AGBL4: variants seen among roughly 807,000 people sequenced by gnomAD.
The protein encoded by AGBL4 is AGBL carboxypeptidase 4, also known as cytosolic carboxypeptidase 6.
Under a neutral mutation model 66.4 loss-of-function variants are expected in AGBL4, and 58 were observed. The observed-to-expected ratio is 0.87, with a 90% CI of 0.71 to 1.09. The LOEUF (loss-of-function observed/expected upper bound fraction) is 1.09, where lower values mean the gene tolerates loss of function less well. AGBL4 is among the 50% of genes least tolerant of loss of function. The probability of loss-of-function intolerance (pLI) is 0.00; values close to 1 mark genes in which losing one functional copy is unlikely to be tolerated. For missense variants in AGBL4, 579 were observed against 631.0 expected (o/e 0.92, Z 0.88); for synonymous variants, 234 against 222.9 (o/e 1.05, Z -0.44).
At chr1:48,820,165 C>T (rs921928684) in intron 6 of AGBL4, among the ~76,000 whole-genome samples, 1 of 152,168 alleles carries the variant, frequency 6.6e-6, no homozygotes, top group Non-Finnish European at 1.5e-5. Flanking sequence ...TTGTTATCCT[C>T]AGGTTATTTT....
intron 5 of AGBL4, among the ~76,000 whole-genome samples, chr1:48,984,441 T>C (rs959227814): frequency 6.6e-6 from 1 of 150,636 alleles, no homozygotes; most frequent in Non-Finnish European, 1.5e-5. Flanking sequence ...TTGGCTAGTA[T>C]GTTTTATCTT....
chr1:48,629,638 G>T (rs1451164819), intron 9 of AGBL4, among the ~76,000 whole-genome samples: 1 of 152,110 alleles, frequency 6.6e-6, no homozygotes, highest in Non-Finnish European at 1.5e-5. Flanking sequence ...ATTTCAGTGG[G>T]GGGTAAAATG....
chr1:48,732,385 T>G (rs914937456), intron 6 of AGBL4, among the ~76,000 whole-genome samples: 1 of 152,196 alleles, frequency 6.6e-6, no homozygotes, highest in African/African-American at 2.4e-5. Context: ...AATCAACAAA[T>G]ATTTATTGAG....
At chr1:49,033,821 T>C (rs1477399196) in intron 5 of AGBL4, among the ~76,000 whole-genome samples, 9 of 151,552 alleles carry the variant, frequency 5.9e-5, no homozygotes, top group Non-Finnish European at 8.8e-5. Flanking sequence ...TTTTTCCTTT[T>C]CTTTTTTTTT....
intron 12 of AGBL4, 139 bp downstream of exon 12, chr1:48,539,503 T>C: frequency 1.7e-6 from 1 of 600,016 alleles, no homozygotes; most frequent in Non-Finnish European, 2.6e-6. Flanking sequence ...CCCCATAAAA[T>C]CTCGGTGGCA....
intron 5 of AGBL4, among the ~76,000 whole-genome samples, chr1:48,936,516 C>G (rs561055028): frequency 3.9e-5 from 6 of 152,212 alleles, no homozygotes; most frequent in Admixed American, 1.3e-4. Context: ...TGGGCCCTTA[C>G]AGTCCCCTCA....
intron 6 of AGBL4, among the ~76,000 whole-genome samples, chr1:48,728,262 C>T (rs952746743): frequency 6.6e-5 from 10 of 152,140 alleles, no homozygotes; most frequent in African/African-American, 2.2e-4. Context: ...AAAGTGTCCA[C>T]GTGTCCACCA....
chr1:49,880,117 T>C (rs1175206295), intron 1 of AGBL4, among the ~76,000 whole-genome samples: 2 of 152,078 alleles, frequency 1.3e-5, no homozygotes, highest in African/African-American at 2.4e-5. Flanking sequence ...TGTCCTCCCG[T>C]AGCTCAGAGT....
intron 3 of AGBL4, among the ~76,000 whole-genome samples, chr1:49,474,755 T>C (rs1052352542): frequency 1.3e-5 from 2 of 152,084 alleles, no homozygotes; most frequent in African/African-American, 2.4e-5. Context: ...GTATTTATTG[T>C]AGTCTTCTCA....
At chr1:48,541,989 C>T (rs1219185162) in intron 11 of AGBL4, among the ~76,000 whole-genome samples, 3 of 152,118 alleles carry the variant, frequency 2.0e-5, no homozygotes, top group Admixed American at 2.0e-4. Context: ...TATCCCTCCC[C>T]TAGCACCCAA....
chr1:49,025,898 T>C (rs1475998116), intron 5 of AGBL4, among the ~76,000 whole-genome samples: 1 of 152,274 alleles, frequency 6.6e-6, no homozygotes, highest in African/African-American at 2.4e-5. Flanking sequence ...CTAAAAGAGG[T>C]TCATATTTGG....
chr1:48,701,515 G>A (rs1646801606), intron 6 of AGBL4, among the ~76,000 whole-genome samples: 1 of 151,372 alleles, frequency 6.6e-6, no homozygotes, highest in Non-Finnish European at 1.5e-5. Context: ...AGGCTGGAGT[G>A]CAGTGGCTGT....
At chr1:48,971,452 T>G (rs1244773708) in intron 5 of AGBL4, among the ~76,000 whole-genome samples, 1 of 152,032 alleles carries the variant, frequency 6.6e-6, no homozygotes, top group South Asian at 2.1e-4. Flanking sequence ...CTGTGATACA[T>G]ACACATGATG....
chr1:49,197,403 T>C (rs188720150), intron 4 of AGBL4, among the ~76,000 whole-genome samples: 13 of 152,262 alleles, frequency 8.5e-5, no homozygotes, highest in Admixed American at 8.5e-4. Flanking sequence ...GATGTTGTAT[T>C]AGGCTGTGCA....
intron 3 of AGBL4, among the ~76,000 whole-genome samples, chr1:49,346,225 C>A (rs930290269): frequency 6.6e-6 from 1 of 152,170 alleles, no homozygotes; most frequent in Non-Finnish European, 1.5e-5. Context: ...GTATTAGATT[C>A]TACTCTCGTC....
chr1:48,749,027 G>C (rs367882702), intron 6 of AGBL4, among the ~76,000 whole-genome samples: 7 of 152,046 alleles, frequency 4.6e-5, no homozygotes, highest in Non-Finnish European at 1.5e-5. Flanking sequence ...AAATGGATCC[G>C]AGAGAGCCCC....
chr1:49,225,439 G>A (rs1649841235), intron 4 of AGBL4, among the ~76,000 whole-genome samples: 1 of 152,160 alleles, frequency 6.6e-6, no homozygotes, highest in African/African-American at 2.4e-5. Flanking sequence ...GTGATAGCCA[G>A]AACAAAATAC....
chr1:49,303,709 CA>C (rs1226284047), intron 3 of AGBL4, among the ~76,000 whole-genome samples: 1 of 152,028 alleles, frequency 6.6e-6, no homozygotes, highest in African/African-American at 2.4e-5. Flanking sequence ...CTCCTGGCCT[CA>C]AGTGATCCAC....
At chr1:48,626,752 C>G (rs2148404486) in intron 9 of AGBL4, among the ~76,000 whole-genome samples, 1 of 152,326 alleles carries the variant, frequency 6.6e-6, no homozygotes, top group South Asian at 2.1e-4. Context: ...TTCAGCTGCT[C>G]CCTGCAGGGA....
Sources: gnomAD v4.1 joint callset for allele counts (sites outside exome capture counted in the v4.1 genomes callset) on GRCh38, gnomAD v4.1.1 for gene constraint, MANE v1.5 for transcripts, NCBI Gene and HGNC (gene_info 2026-07-23, HGNC 2026-07-21) for gene names.